The following ABCA13 variants were observed in gnomAD, a reference collection of about 807,000 sequenced individuals.
The protein encoded by ABCA13 is ATP-binding cassette sub-family A member 13.
In ABCA13, 476 loss-of-function variants were observed where a neutral mutation model predicts 478.7. That is an observed-to-expected ratio of 0.99 (90% CI 0.92 to 1.07). ABCA13 has a LOEUF of 1.07. Among genes scored for constraint, ABCA13 ranks in the 50% least tolerant of loss-of-function variants. The pLI is 0.00. For missense variants in ABCA13, 6,060 were observed against 5,910.6 expected, an observed-to-expected ratio of 1.03 and a Z score of -0.83; for synonymous variants, 2,252 against 2,158.9, an observed-to-expected ratio of 1.04 and a Z score of -1.20.
At chr7:48,368,730 C>T (rs187641078) in intron 32 of ABCA13, among the ~76,000 whole-genome samples, 1 of 139,662 alleles carries the variant, frequency 7.2e-6, no homozygotes, top group South Asian at 2.2e-4. Flanking sequence ...TACACACACA[C>T]ATTTATATAT....
chr7:48,638,606 A>G (rs1265359466), intron 59 of ABCA13, among the ~76,000 whole-genome samples: 3 of 152,344 alleles, frequency 2.0e-5, no homozygotes, highest in African/African-American at 7.2e-5. Flanking sequence ...TGCATATGCA[A>G]TGATTGGAAA....
chr7:48,496,012 G>T lies in ABCA13; in HGVS notation c.13291+6668G>T, dbSNP rs192165532. ...TCTCATTGTGTAAAGTGAGTTTTGTGTAGAGTGTATATTGTTAGGTCATAT... is the reference window on the plus strand; with the variant it reads ...TCTCATTGTGTAAAGTGAGTTTTGTTTAGAGTGTATATTGTTAGGTCATAT... On this transcript the variant is annotated intron_variant, in intron 48 of 61. Transcript: ENST00000435803. Among the ~76,000 whole-genome samples the T allele has an allele frequency of 3.0e-3, 457 of 152,148 alleles. 2 individuals carry two copies. The highest frequency in any genetic ancestry group is 0.017 in the Middle Eastern group (5 of 294).
rs75390765 is a variant in ABCA13 at position 48,389,179 on chromosome 7, C to T, written c.11613C>T (p.Thr3871=). The change falls in exon 37 of 62, where the codon ACC becomes ACT. Residue 3871 remains threonine (T), a synonymous_variant. Coordinates refer to ENST00000435803, the MANE Select transcript of ABCA13 (RefSeq NM_152701.5). ...TGACCTTCTACAGAGACCAAATCAC[C>T]GCCCTGCTGGGGACAAACGGTGCCG... The part of the protein sequence containing the change: ...LSLTFYRDQI[T]ALLGTNGAGK... 9.0e-4 allele frequency: 1,457 copies of T among 1,613,856 alleles called. 2 individuals are homozygous for T. Among genetic ancestry groups the T allele is most frequent in the Non-Finnish European group, 1.1e-3 (1,317 of 1,179,812 alleles).
chr7:48,601,515 TTCCAGCTTCA>T (rs1310548614), intron 58 of ABCA13, among the ~76,000 whole-genome samples: 3 of 152,180 alleles, frequency 2.0e-5, no homozygotes, highest in African/African-American at 7.2e-5. Context: ...GAATGATGAT[TTCCAGCTTCA>T]TCCATGTCCC....
chr7:48,568,664 T>C (rs1787312998), intron 55 of ABCA13, among the ~76,000 whole-genome samples: 1 of 152,080 alleles, frequency 6.6e-6, no homozygotes, highest in Admixed American at 6.5e-5. Flanking sequence ...CTTTTTGAAA[T>C]AGTCTAGAAG....
chr7:48,394,442 C>T (rs1585136891), intron 38 of ABCA13, among the ~76,000 whole-genome samples: 1 of 152,266 alleles, frequency 6.6e-6, no homozygotes, highest in East Asian at 1.9e-4. Context: ...TCTCAGACAC[C>T]ATCTTACCAG....
intron 2 of ABCA13, among the ~76,000 whole-genome samples, chr7:48,195,260 C>T (rs1797775925): frequency 6.6e-6 from 1 of 152,118 alleles, no homozygotes; most frequent in Non-Finnish European, 1.5e-5. Flanking sequence ...ATGAAGGAGC[C>T]ATTGAAAGGT....
At position 48,520,279 on chromosome 7, in the gene ABCA13, T is replaced by C. The variant is rs1318998418; in HGVS notation, c.14036T>C (p.Leu4679Pro). 5 of 1,611,522 alleles carry C rather than the reference T, an allele frequency of 3.1e-6. No homozygotes were observed. The highest frequency in any genetic ancestry group is 4.2e-6 in the Non-Finnish European group (5 of 1,178,350). The part of the protein sequence containing the change: ...LLLRVLLHWD[L>P]LRWPRGHSTL... ...TTGAGGGTTCTGCTACACTGGGACCTTCTGCGATGGCCAAGGTGGGTTCTG... is the reference window on the plus strand; with the variant it reads ...TTGAGGGTTCTGCTACACTGGGACCCTCTGCGATGGCCAAGGTGGGTTCTG... The change falls in exon 53 of 62, where the codon CTT (leucine) becomes CCT (proline). Residue 4679 changes from leucine to proline, a missense_variant. By Grantham distance (98) the Leu-to-Pro change is moderately conservative (BLOSUM62 -3). Around this residue, in one of 3 missense-constraint regions of ABCA13, gnomAD observed 1,627 missense variants for 1,571.0 expected, o/e 1.04. Coordinates refer to ENST00000435803, the MANE Select transcript of ABCA13 (RefSeq NM_152701.5).
At chr7:48,466,685 A>C (rs1405590606) in intron 43 of ABCA13, among the ~76,000 whole-genome samples, 1 of 152,192 alleles carries the variant, frequency 6.6e-6, no homozygotes, top group Non-Finnish European at 1.5e-5. Context: ...ATTAAGTGAA[A>C]ATGTTGAGGA....
At chr7:48,191,433 C>T (rs948803529) in intron 1 of ABCA13, among the ~76,000 whole-genome samples, 6 of 152,226 alleles carry the variant, frequency 3.9e-5, no homozygotes, top group African/African-American at 1.4e-4. Flanking sequence ...GACGGAGTCT[C>T]GCTCTGTTGC....
chr7:48,244,138 C>T (rs1434710759), intron 10 of ABCA13, among the ~76,000 whole-genome samples: 1 of 152,204 alleles, frequency 6.6e-6, no homozygotes, highest in Non-Finnish European at 1.5e-5. Flanking sequence ...GAGAATCCTA[C>T]AGGCATTGCC....
At chr7:48,204,777 G>C (rs1049588237) in intron 3 of ABCA13, among the ~76,000 whole-genome samples, 1 of 152,162 alleles carries the variant, frequency 6.6e-6, no homozygotes, top group Non-Finnish European at 1.5e-5. Flanking sequence ...CTACCTGCTC[G>C]CGATGCAGCA....
chr7:48,400,879 T>C (rs939909181), intron 38 of ABCA13, among the ~76,000 whole-genome samples: 3 of 152,268 alleles, frequency 2.0e-5, no homozygotes, highest in Non-Finnish European at 2.9e-5. Context: ...TAAAATGCCA[T>C]GAGTGCTAAT....
chr7:48,274,091 T>C lies in ABCA13; in HGVS notation c.4425T>C (p.Thr1475=), dbSNP rs1795975562. The C allele has an allele frequency of 6.2e-7, 1 of 1,607,186 alleles. No homozygotes were observed. The highest frequency in any genetic ancestry group is 8.5e-7 in the Non-Finnish European group (1 of 1,176,092). The part of the protein sequence containing the change: ...DVTDFLNIVL[T]TVFEKEKKPK... Reference sequence around the variant, plus strand: ...CTGACTTTCTAAATATTGTACTTACTACAGTCTTTGAAAAAGAGAAGAAAC... The same window carrying C: ...CTGACTTTCTAAATATTGTACTTACCACAGTCTTTGAAAAAGAGAAGAAAC... The change falls in exon 17 of 62, where the codon ACT becomes ACC. Residue 1475 remains threonine, a synonymous_variant. Transcript: ENST00000435803.
At position 48,376,684 on chromosome 7, in the gene ABCA13, A is replaced by T. The variant is rs953376207; in HGVS notation, c.11335+112A>T. The T allele has an allele frequency of 3.3e-6, 4 of 1,227,414 alleles. No individual in the cohort carries two copies. In the African/African-American group the frequency reaches 4.6e-5, roughly 14 times the overall value. 76.0% of individuals were successfully genotyped at this position (1,227,414 alleles called of 1,614,324 possible). A position where few individuals can be genotyped will look rare whatever the true frequency, so the allele number is the denominator to read the frequency against. On this transcript the variant is annotated intron_variant, in intron 35 of 61. Coordinates refer to ENST00000435803, the MANE Select transcript of ABCA13 (RefSeq NM_152701.5). ...TTCTTTAAGGAAGATCCAGAAAGGGAAGTCTTAGGATATATATTTAAAAGG... is the reference window on the plus strand; with the variant it reads ...TTCTTTAAGGAAGATCCAGAAAGGGTAGTCTTAGGATATATATTTAAAAGG...
At chr7:48,400,970 T>C (rs532835262) in intron 38 of ABCA13, among the ~76,000 whole-genome samples, 115 of 152,352 alleles carry the variant, frequency 7.5e-4, no homozygotes, top group African/African-American at 2.6e-3. Flanking sequence ...CCCCAGTCCA[T>C]GTGGGGGGTG....
Position 48,647,245 on chromosome 7 carries a change from G to A in ABCA13, c.*1733G>A, listed in dbSNP as rs1053002730. 6.6e-6 allele frequency: 1 copy of A among 151,952 alleles called. No homozygotes were observed. The highest frequency in any genetic ancestry group is 2.1e-4 in the South Asian group (1 of 4,820). The allele number at this position is 151,952 out of a possible 1,614,324, so 9.4% of individuals were successfully genotyped here. ...TCTATACAAAAGATATTTTTTAAAC[G>A]GTAAGGATTAAGACAATCACTGATA... is the stretch of plus-strand genomic sequence containing the variant. On this transcript the variant is annotated 3_prime_UTR_variant, in exon 62 of 62. Coordinates refer to ENST00000435803, the MANE Select transcript of ABCA13 (RefSeq NM_152701.5).
chr7:48,304,757 C>G (rs145923006), intron 23 of ABCA13, among the ~76,000 whole-genome samples: 1 of 152,056 alleles, frequency 6.6e-6, no homozygotes, highest in Admixed American at 6.5e-5. Context: ...GCATGTACTC[C>G]GTAAACCTAA....
chr7:48,410,370 G>T (rs1369475669), intron 39 of ABCA13, 150 bp from the exon 40 acceptor site: 35 of 900,972 alleles, frequency 3.9e-5, no homozygotes, highest in Non-Finnish European at 1.7e-6. Context: ...AATTGGCAAA[G>T]TGGCCAGGAC....
Sources: allele counts gnomAD v4.1 joint callset (sites outside exome capture counted in the v4.1 genomes callset), GRCh38; gene constraint gnomAD v4.1.1; regional missense constraint gnomAD v4.1.1; transcripts MANE v1.5; gene names NCBI Gene and HGNC (gene_info 2026-07-23, HGNC 2026-07-21).